The following PXDNL variants were observed in gnomAD, a reference collection of about 807,000 sequenced individuals.
The protein encoded by PXDNL is probable oxidoreductase PXDNL.
Under a neutral mutation model 150.8 loss-of-function variants are expected in PXDNL, and 145 were observed. That is an observed-to-expected ratio of 0.96 (90% confidence interval 0.84 to 1.10). PXDNL has a LOEUF of 1.10. PXDNL is among the 50% of genes least tolerant of loss of function. The pLI, the probability that PXDNL is intolerant of heterozygous loss-of-function variation, is 0.00. For synonymous variants in PXDNL, 757 were observed against 725.7 expected, an observed-to-expected ratio of 1.04 and a Z score of -0.69; for missense variants, 2,087 against 1,873.9, an observed-to-expected ratio of 1.11 and a Z score of -2.10.
intron 4 of PXDNL, among the ~76,000 whole-genome samples, chr8:51,541,253 T>TAAAAAA (rs5891421): frequency 1.4e-4 from 18 of 127,202 alleles, no homozygotes; most frequent in African/African-American, 4.4e-4. Context: ...TGAGACTCCA[T>TAAAAAA]AAAAAAAAAA....
chr8:51,433,453 G>A (rs963586525), intron 12 of PXDNL, among the ~76,000 whole-genome samples: 6 of 152,000 alleles, frequency 3.9e-5, no homozygotes, highest in African/African-American at 1.4e-4. Context: ...AGTGGAGTCA[G>A]TGGGGCAATA....
chr8:51,391,304 G>A (rs557304479), intron 17 of PXDNL, among the ~76,000 whole-genome samples: 6 of 152,202 alleles, frequency 3.9e-5, no homozygotes, highest in African/African-American at 1.4e-4. Flanking sequence ...CTAGATCCCT[G>A]AGGAATTGCC....
chr8:51,722,306 C>T (rs1171033626), intron 1 of PXDNL: 3 of 152,410 alleles, frequency 2.0e-5, no homozygotes, highest in African/African-American at 4.8e-5. Flanking sequence ...AGGGGGAGCA[C>T]ACAGACGAGC....
At chr8:51,731,041 T>C (rs1307218710) in intron 1 of PXDNL, among the ~76,000 whole-genome samples, 2 of 152,176 alleles carry the variant, frequency 1.3e-5, no homozygotes, top group Non-Finnish European at 2.9e-5. Flanking sequence ...CCAAATCTCA[T>C]GTTCTCACAT....
At chr8:51,710,515 C>T (rs1189047998) in intron 1 of PXDNL, among the ~76,000 whole-genome samples, 2 of 152,156 alleles carry the variant, frequency 1.3e-5, no homozygotes, top group Non-Finnish European at 2.9e-5. Context: ...CAACTATAGT[C>T]ACCATGTTGT....
At chr8:51,673,604 T>C (rs1815545939) in intron 1 of PXDNL, among the ~76,000 whole-genome samples, 1 of 152,220 alleles carries the variant, frequency 6.6e-6, no homozygotes, top group Admixed American at 6.5e-5. Context: ...ACTATGGGCA[T>C]TTTGATAAAG....
chr8:51,350,475 C>T (rs1409402648), intron 19 of PXDNL, among the ~76,000 whole-genome samples: 3 of 150,922 alleles, frequency 2.0e-5, no homozygotes, highest in Admixed American at 6.6e-5. Flanking sequence ...TTCTCCTGCC[C>T]CAGCCTCCTG....
chr8:51,390,954 T>C (rs1451839275), intron 17 of PXDNL, among the ~76,000 whole-genome samples: 2 of 152,120 alleles, frequency 1.3e-5, no homozygotes, highest in Non-Finnish European at 2.9e-5. Flanking sequence ...GTCCATGTGT[T>C]CTCACTGTTC....
intron 2 of PXDNL, among the ~76,000 whole-genome samples, chr8:51,653,436 A>C (rs1052129516): frequency 2.0e-5 from 3 of 152,096 alleles, no homozygotes; most frequent in Non-Finnish European, 4.4e-5. Context: ...AAATAATAAT[A>C]ATCAAATGCA....
rs560375655 is a variant in PXDNL at position 51,450,534 on chromosome 8, C to CAGATA, written c.1250-1417_1250-1416insTATCT. ...TTCTTTTCACCTGCATCTGGAAATA[C>CAGATA]AAGAAACATGATAAAGTAAATAATA... On this transcript the variant is annotated intron_variant, in intron 10 of 22. Transcript: ENST00000356297. 2.6e-4 allele frequency among the ~76,000 whole-genome samples: 40 copies of CAGATA among 152,292 alleles called. 1 individual carries two copies. The South Asian group carries it at 7.9e-3, about 30-fold the overall frequency.
intron 5 of PXDNL, among the ~76,000 whole-genome samples, chr8:51,490,758 GTGTGTA>G (rs750258586): frequency 8.0e-6 from 1 of 125,780 alleles, no homozygotes. Flanking sequence ...GTGTGTGTGT[GTGTGTA>G]TCACACAGGG....
chr8:51,411,385 G>A lies in PXDNL; in HGVS notation c.1927C>T (p.Leu643=). Residue 643 remains leucine, a synonymous_variant, in exon 16 of 23, where the codon CTG becomes TTG. Coordinates refer to ENST00000356297, the MANE Select transcript of PXDNL (RefSeq NM_144651.5). ...FSQKPHTSSD[L]LAQFHYPRDP... ...CGCGGGTAATGAAATTGAGCCAGCAGGTCACTGGAGGTGTGAGGTTTTCTG... is the reference window on the plus strand; with the variant it reads ...CGCGGGTAATGAAATTGAGCCAGCAAGTCACTGGAGGTGTGAGGTTTTCTG... The A allele has an allele frequency of 3.8e-6, 6 of 1,571,422 alleles. No homozygotes were observed. Among genetic ancestry groups the A allele is most frequent in the East Asian group, 2.4e-5 (1 of 42,414 alleles).
intron 1 of PXDNL, among the ~76,000 whole-genome samples, chr8:51,683,713 A>G (rs573151587): frequency 6.6e-6 from 1 of 152,164 alleles, no homozygotes; most frequent in Non-Finnish European, 1.5e-5. Flanking sequence ...TCCCTGAACA[A>G]AAAAGCCTCT....
chr8:51,790,355 G>A (rs1226644504), intron 1 of PXDNL, among the ~76,000 whole-genome samples: 1 of 152,090 alleles, frequency 6.6e-6, no homozygotes, highest in Non-Finnish European at 1.5e-5. Context: ...GGTACAGCTG[G>A]CCTCAGACTC....
At position 51,641,191 on chromosome 8, in the gene PXDNL, T is replaced by C. The variant is rs1220630570; in HGVS notation, c.236+13498A>G. ...AAGTGGATCCCTTCCTTACACCTTA[T>C]ACAAAAATTAATTCAAGATGGATTA... is the stretch of plus-strand genomic sequence containing the variant. On this transcript the variant is annotated intron_variant, in intron 2 of 22. Transcript: ENST00000356297. Among the ~76,000 whole-genome samples, 5 of 145,930 alleles carry C rather than the reference T, an allele frequency of 3.4e-5. No individual in the cohort carries two copies. The South Asian group carries it at 8.8e-4, about 26-fold the overall frequency.
intron 3 of PXDNL, among the ~76,000 whole-genome samples, chr8:51,565,989 C>G (rs1812822213): frequency 6.6e-6 from 1 of 151,660 alleles, no homozygotes; most frequent in South Asian, 2.1e-4. Flanking sequence ...CCCTCGCTTC[C>G]TAGTTTGCTC....
chr8:51,765,233 G>C (rs540520279), intron 1 of PXDNL, among the ~76,000 whole-genome samples: 1 of 152,120 alleles, frequency 6.6e-6, no homozygotes. Context: ...ATTGAACCAT[G>C]GGGGCGGTTT....
chr8:51,495,163 C>T (rs539817769), intron 5 of PXDNL, among the ~76,000 whole-genome samples: 381 of 151,680 alleles, frequency 2.5e-3, no homozygotes, highest in African/African-American at 8.9e-3. Context: ...AACTGAACAA[C>T]CTGCTCCTGA....
intron 1 of PXDNL, among the ~76,000 whole-genome samples, chr8:51,718,417 G>A (rs1162279533): frequency 6.6e-6 from 1 of 152,208 alleles, no homozygotes; most frequent in Non-Finnish European, 1.5e-5. Flanking sequence ...AAAAAAAGTA[G>A]AAGTTATCTG....
Sources: gnomAD v4.1 joint callset for allele counts (sites outside exome capture counted in the v4.1 genomes callset) on GRCh38, gnomAD v4.1.1 for gene constraint, MANE v1.5 for transcripts, NCBI Gene and HGNC (gene_info 2026-07-23, HGNC 2026-07-21) for gene names.